Variants in OPA3 observed in about 807,000 individuals in gnomAD.
OPA3 encodes the protein optic atrophy 3 protein.
OPA3 carries 6 observed loss-of-function variants against 4.0 expected under a neutral mutation model. The ratio of observed to expected loss-of-function variants is 1.51; its 90% confidence interval spans 0.83 to 2.99. The LOEUF (loss-of-function observed/expected upper bound fraction) is 2.99, where lower values mean the gene tolerates loss of function less well. Among genes scored for constraint, OPA3 ranks in the 30% most tolerant of loss-of-function variants. OPA3 has a pLI of 0.00. For synonymous variants in OPA3, 105 were observed against 117.1 expected (o/e 0.90, Z 0.67); for missense variants, 235 against 256.2 (o/e 0.92, Z 0.56).
At chr19:45,558,193 G>T (rs558947502) in intron 1 of OPA3, among the ~76,000 whole-genome samples, 1 of 152,058 alleles carries the variant, frequency 6.6e-6, no homozygotes, top group Non-Finnish European at 1.5e-5. Flanking sequence ...TTAGCGGGGC[G>T]TGGTGGGAGG....
chr19:45,563,805 C>T (rs980955339), intron 1 of OPA3, among the ~76,000 whole-genome samples: 3 of 151,486 alleles, frequency 2.0e-5, no homozygotes, highest in Non-Finnish European at 4.4e-5. Flanking sequence ...CCACCTGCCT[C>T]GGCCTCCCAA....
rs529245346 is a variant in OPA3, at chr19:45,549,544, G to A, written c.*3970C>T. 2.9e-4 allele frequency: 278 copies of A among 946,412 alleles called. 1 individual carries two copies. In the African/African-American group the frequency reaches 4.6e-3, roughly 16 times the overall value. The allele number at this position is 946,412 out of a possible 1,614,324, so 58.6% of individuals were successfully genotyped here. A position where few individuals can be genotyped will look rare whatever the true frequency, so the allele number is the denominator to read the frequency against. ...CACCCAGGCTGGAGTGCAGTGGCGC[G>A]ATCTCAGCTCACTGCAACCTCCACC... On this transcript the variant is annotated 3_prime_UTR_variant, in exon 2 of 2. Coordinates refer to ENST00000263275, the MANE Select transcript of OPA3 (RefSeq NM_025136.4).
chr19:45,563,678 C>T (rs565518947), intron 1 of OPA3, among the ~76,000 whole-genome samples: 12 of 151,876 alleles, frequency 7.9e-5, no homozygotes, highest in African/African-American at 2.9e-4. Context: ...ACCTCAGCCT[C>T]CCAAGTAGCT....
intron 1 of OPA3, among the ~76,000 whole-genome samples, chr19:45,567,073 G>A (rs12971869): frequency 0.3 from 44,952 of 151,868 alleles, 7,090 homozygotes; most frequent in Middle Eastern, 0.39. Context: ...AGGCATGGTG[G>A]CTCACACTTG....
chr19:45,581,463 G>A (rs540735594), intron 1 of OPA3, among the ~76,000 whole-genome samples: 2 of 152,272 alleles, frequency 1.3e-5, no homozygotes, highest in Admixed American at 1.3e-4. Context: ...TGAACCCCAT[G>A]CCATGTCAGG....
At chr19:45,544,756 T>G (rs1386440318), downstream of OPA3, among the ~76,000 whole-genome samples, 1 of 150,878 alleles carries the variant, frequency 6.6e-6, no homozygotes, top group Non-Finnish European at 1.5e-5. Flanking sequence ...ATCATGCCAT[T>G]GCACTCCAGC....
At position 45,547,626 on chromosome 19, in the gene OPA3, GGTGCCC is replaced by G. The variant is rs1003947427; in HGVS notation, c.*5882_*5887del. The G allele has an allele frequency of 6.6e-6, 1 of 152,636 alleles. No individual in the cohort carries two copies. Among genetic ancestry groups the G allele is most frequent in the African/African-American group, 2.4e-5 (1 of 41,370 alleles). The allele number at this position is 152,636 out of a possible 1,614,324, so 9.5% of individuals were successfully genotyped here. On this transcript the variant is annotated 3_prime_UTR_variant, in exon 2 of 2. Coordinates refer to ENST00000263275, the MANE Select transcript of OPA3 (RefSeq NM_025136.4). ...TCCCTGCCCACCTGTCTAGATCAGC[GGTGCCC>G]GTAAGTCCGGAACTCCTACCCTGCC...
chr19:45,548,135 C>T lies in OPA3; in HGVS notation c.*5379G>A. ...CCTCAGTACACTCAGAGTTGCCATG[C>T]TTCTCCTCTCTCTGTCCACACCGAC... On this transcript the variant is annotated 3_prime_UTR_variant, in exon 2 of 2. Transcript: ENST00000263275. The T allele has an allele frequency of 1.0e-6, 1 of 985,766 alleles. No individual in the cohort carries two copies. Among genetic ancestry groups the T allele is most frequent in the Non-Finnish European group, 1.2e-6 (1 of 830,102 alleles). The allele number at this position is 985,766 out of a possible 1,614,324, so 61.1% of individuals were successfully genotyped here.
Position 45,552,177 on chromosome 19 carries a change from C to T in OPA3, c.*1337G>A. The T allele has an allele frequency of 1.0e-6, 1 of 985,162 alleles. No individual in the cohort carries two copies. Among genetic ancestry groups the T allele is most frequent in the Non-Finnish European group, 1.2e-6 (1 of 829,916 alleles). The allele number at this position is 985,162 out of a possible 1,614,324, so 61.0% of individuals were successfully genotyped here. A position where few individuals can be genotyped will look rare whatever the true frequency, so the allele number is the denominator to read the frequency against. On this transcript the variant is annotated 3_prime_UTR_variant, in exon 2 of 2. Coordinates refer to ENST00000263275, the MANE Select transcript of OPA3 (RefSeq NM_025136.4). ...CCACTTCGGGTCTCAAGGGAAGGTACAATGATTCCAGGGATTGACTGCAGG... is the reference window on the plus strand; with the variant it reads ...CCACTTCGGGTCTCAAGGGAAGGTATAATGATTCCAGGGATTGACTGCAGG...
At chr19:45,545,707 TTTC>T (rs1389243388), downstream of OPA3, among the ~76,000 whole-genome samples, 3 of 151,198 alleles carry the variant, frequency 2.0e-5, no homozygotes, top group Non-Finnish European at 2.9e-5. Context: ...TGTACATGCT[TTTC>T]TTTTTTTTTT....
At chr19:45,563,819 G>A (rs1969540975) in intron 1 of OPA3, among the ~76,000 whole-genome samples, 2 of 150,854 alleles carry the variant, frequency 1.3e-5, no homozygotes, top group African/African-American at 4.9e-5. Flanking sequence ...CTCCCAAAGT[G>A]CTGGGATTAC....
In OPA3 at chr19:45,550,947, G is replaced by T. The variant is rs1969323441; in HGVS notation, c.*2567C>A. ...AGCAGGAAGGCCAAATGGCCCGCGG[G>T]GTTGGCAGGAGTCCCAGGGTACTTT... On this transcript the variant is annotated 3_prime_UTR_variant, in exon 2 of 2. Transcript: ENST00000263275. 2.0e-6 allele frequency: 2 copies of T among 985,648 alleles called. No individual in the cohort carries two copies. The highest frequency in any genetic ancestry group is 3.5e-5 in the African/African-American group (2 of 57,306). 61.1% of individuals were successfully genotyped at this position (985,648 alleles called of 1,614,324 possible).
intron 1 of OPA3, among the ~76,000 whole-genome samples, chr19:45,558,760 T>C (rs1282024146): frequency 1.3e-5 from 2 of 152,108 alleles, no homozygotes; most frequent in Non-Finnish European, 2.9e-5. Context: ...AGTCTCGCTT[T>C]GTCCCCAAGG....
chr19:45,541,909 C>T (rs946216267), downstream of OPA3, among the ~76,000 whole-genome samples: 2 of 152,102 alleles, frequency 1.3e-5, no homozygotes, highest in African/African-American at 4.8e-5. Context: ...CGAAGAGACC[C>T]CTAGGATCCA....
intron 1 of OPA3, among the ~76,000 whole-genome samples, chr19:45,564,023 C>T (rs1969544006): frequency 6.6e-6 from 1 of 152,002 alleles, no homozygotes; most frequent in Non-Finnish European, 1.5e-5. Flanking sequence ...TCAAAAAAAT[C>T]AAACAAGCCA....
At chr19:45,546,041 A>C (rs2122409536), downstream of OPA3, among the ~76,000 whole-genome samples, 1 of 152,212 alleles carries the variant, frequency 6.6e-6, no homozygotes, top group Admixed American at 6.6e-5. Flanking sequence ...GGAGAATAAA[A>C]AGTAACGAAG....
intron 1 of OPA3, among the ~76,000 whole-genome samples, chr19:45,583,299 CA>C (rs1243420526): frequency 6.6e-6 from 1 of 151,968 alleles, no homozygotes; most frequent in African/African-American, 2.4e-5. Context: ...CACAGGCGCC[CA>C]GCCACCACGC....
At chr19:45,575,456 C>G (rs1158173475) in intron 1 of OPA3, among the ~76,000 whole-genome samples, 1 of 152,062 alleles carries the variant, frequency 6.6e-6, no homozygotes, top group African/African-American at 2.4e-5. Context: ...AAAACTGAAA[C>G]CAAGTCCATG....
At position 45,552,674 on chromosome 19, in the gene OPA3, C is replaced by A. The variant is rs1351558552; in HGVS notation, c.*840G>T. ...AGGATTACAGGCACCCACCACCACG[C>A]CCGGTTAACTTTTGGTTTTAAGACG... On this transcript the variant is annotated 3_prime_UTR_variant, in exon 2 of 2. Coordinates refer to ENST00000263275, the MANE Select transcript of OPA3 (RefSeq NM_025136.4). 1.3e-5 allele frequency: 2 copies of A among 152,284 alleles called. No individual in the cohort carries two copies. The highest frequency in any genetic ancestry group is 2.9e-5 in the Non-Finnish European group (2 of 68,220). 9.4% of individuals were successfully genotyped at this position (152,284 alleles called of 1,614,324 possible).
Sources: gnomAD v4.1 joint callset for allele counts (sites outside exome capture counted in the v4.1 genomes callset) on GRCh38, gnomAD v4.1.1 for gene constraint, MANE v1.5 for transcripts, NCBI Gene and HGNC (gene_info 2026-07-23, HGNC 2026-07-21) for gene names.